Variants in XKR4 observed in about 807,000 individuals in gnomAD.
XKR4 encodes the protein XK related 4, also known as XK-related protein 4.
XKR4 carries 12 observed loss-of-function variants against 53.9 expected under a neutral mutation model. That is an observed-to-expected ratio of 0.22 (90% CI 0.14 to 0.36). The LOEUF is 0.36. Ranked by LOEUF, XKR4 falls within the 10% of genes least tolerant of loss-of-function variation. The pLI, the probability that XKR4 is intolerant of heterozygous loss-of-function variation, is 1.00. For missense variants in XKR4, 799 were observed against 859.5 expected (o/e 0.93, Z 0.88); for synonymous variants, 354 against 362.4 (o/e 0.98, Z 0.26).
chr8:55,286,750 C>A (rs550505963), intron 1 of XKR4, among the ~76,000 whole-genome samples: 1 of 152,282 alleles, frequency 6.6e-6, no homozygotes, highest in East Asian at 1.9e-4. Context: ...CTTTTAAGTT[C>A]ATTCCTTTAG....
At chr8:55,475,575 C>T (rs974790161) in intron 2 of XKR4, among the ~76,000 whole-genome samples, 2 of 140,710 alleles carry the variant, frequency 1.4e-5, no homozygotes, top group Non-Finnish European at 3.0e-5. Context: ...CACCACCATG[C>T]TCACTTATTT....
chr8:55,220,917 A>T (rs1817872478), intron 1 of XKR4, among the ~76,000 whole-genome samples: 1 of 152,244 alleles, frequency 6.6e-6, no homozygotes. Flanking sequence ...ACTTGCATAT[A>T]GCAGGCTCCA....
At chr8:55,460,383 T>C (rs1053548284) in intron 2 of XKR4, among the ~76,000 whole-genome samples, 1 of 152,228 alleles carries the variant, frequency 6.6e-6, no homozygotes, top group Non-Finnish European at 1.5e-5. Flanking sequence ...CTCAAAATCA[T>C]TGAACCATAT....
At chr8:55,487,467 C>T (rs1435593686) in intron 2 of XKR4, among the ~76,000 whole-genome samples, 15 of 143,474 alleles carry the variant, frequency 1.0e-4, no homozygotes, top group African/African-American at 3.1e-4. Flanking sequence ...GACATGCTTT[C>T]TTTTTTTTTT....
chr8:55,259,409 G>A (rs1818485290), intron 1 of XKR4, among the ~76,000 whole-genome samples: 3 of 152,172 alleles, frequency 2.0e-5, no homozygotes, highest in South Asian at 2.1e-4. Context: ...AGTTGATTTC[G>A]TTCTCCTACC....
intron 1 of XKR4, among the ~76,000 whole-genome samples, chr8:55,129,162 G>C (rs1816519235): frequency 6.6e-6 from 1 of 152,224 alleles, no homozygotes; most frequent in Admixed American, 6.5e-5. Flanking sequence ...TGAAAATGGA[G>C]AGAGAACCCA....
chr8:55,284,883 A>G (rs1243836955), intron 1 of XKR4, among the ~76,000 whole-genome samples: 1 of 152,154 alleles, frequency 6.6e-6, no homozygotes, highest in Non-Finnish European at 1.5e-5. Flanking sequence ...CATCTGATCC[A>G]TGAGGGAGGC....
At chr8:55,160,566 AAC>A (rs1415145596) in intron 1 of XKR4, among the ~76,000 whole-genome samples, 2 of 152,220 alleles carry the variant, frequency 1.3e-5, no homozygotes, top group Admixed American at 6.5e-5. Context: ...AATTTCACGA[AAC>A]ACAGTTCCTG....
chr8:55,249,946 C>T (rs1324856583), intron 1 of XKR4, among the ~76,000 whole-genome samples: 1 of 152,166 alleles, frequency 6.6e-6, no homozygotes, highest in Admixed American at 6.5e-5. Flanking sequence ...AACCAGGAAA[C>T]TACTTACTTA....
intron 1 of XKR4, among the ~76,000 whole-genome samples, chr8:55,194,659 C>T (rs1257687228): frequency 1.3e-5 from 2 of 152,168 alleles, no homozygotes; most frequent in Non-Finnish European, 2.9e-5. Flanking sequence ...CTCCACAGTG[C>T]TCCCTTCCTG....
intron 2 of XKR4, among the ~76,000 whole-genome samples, chr8:55,380,796 T>G (rs765785671): frequency 6.6e-6 from 1 of 152,264 alleles, no homozygotes; most frequent in Non-Finnish European, 1.5e-5. Context: ...CTCTAGTAAC[T>G]GCTCTGTGCT....
chr8:55,450,014 C>T (rs1805409181), intron 2 of XKR4: 6 of 785,972 alleles, frequency 7.6e-6, no homozygotes, highest in Middle Eastern at 2.5e-4. Flanking sequence ...TGGTGAGGTG[C>T]GGTGGACACT....
At chr8:55,303,640 G>T (rs922897352) in intron 1 of XKR4, among the ~76,000 whole-genome samples, 2 of 152,080 alleles carry the variant, frequency 1.3e-5, no homozygotes, top group African/African-American at 4.8e-5. Flanking sequence ...ACTTTTTTTG[G>T]TTGGTAAGCT....
In XKR4 at chr8:55,541,398, GT is replaced by G. The variant is rs1490483852; in HGVS notation, c.*17175del. ...GCTCCTTTCCCTGTTCAATTTTTTT[GT>G]TTTGTTTTAAATCTATCTCTGAAAA... On this transcript the variant is annotated 3_prime_UTR_variant, in exon 3 of 3. Coordinates refer to ENST00000327381, the MANE Select transcript of XKR4 (RefSeq NM_052898.2). The G allele has an allele frequency of 6.6e-6, 1 of 151,292 alleles. No individual in the cohort carries two copies. The highest frequency in any genetic ancestry group is 6.6e-5 in the Admixed American group (1 of 15,192). 9.4% of individuals were successfully genotyped at this position (151,292 alleles called of 1,614,324 possible). A position where few individuals can be genotyped will look rare whatever the true frequency, so the allele number is the denominator to read the frequency against.
At chr8:55,221,782 G>T (rs1339104374) in intron 1 of XKR4, among the ~76,000 whole-genome samples, 2 of 152,126 alleles carry the variant, frequency 1.3e-5, no homozygotes, top group African/African-American at 4.8e-5. Context: ...TCTCCAGAGG[G>T]TCTCACCGGA....
chr8:55,321,745 C>T (rs186894288), intron 1 of XKR4, among the ~76,000 whole-genome samples: 34 of 152,326 alleles, frequency 2.2e-4, no homozygotes, highest in African/African-American at 7.7e-4. Flanking sequence ...AATCCCAGCA[C>T]TTCGGGAGGC....
At chr8:55,453,426 G>C (rs1805490290) in intron 2 of XKR4, 6 of 400,284 alleles carry the variant, frequency 1.5e-5, no homozygotes, top group Non-Finnish European at 3.0e-5. Flanking sequence ...AGCACAGCTA[G>C]GAGCAGCTTC....
chr8:55,285,526 G>A (rs1818896511), intron 1 of XKR4, among the ~76,000 whole-genome samples: 1 of 151,952 alleles, frequency 6.6e-6, no homozygotes, highest in Non-Finnish European at 1.5e-5. Context: ...AAAGGAGGAG[G>A]GAAAGCACAG....
At chr8:55,169,599 A>C (rs537891341) in intron 1 of XKR4, among the ~76,000 whole-genome samples, 2 of 152,356 alleles carry the variant, frequency 1.3e-5, no homozygotes, top group East Asian at 3.9e-4. Flanking sequence ...TCATGACAGC[A>C]TGGACACCTG....
Sources: gnomAD v4.1 joint callset for allele counts (sites outside exome capture counted in the v4.1 genomes callset) on GRCh38, gnomAD v4.1.1 for gene constraint, MANE v1.5 for transcripts, NCBI Gene and HGNC (gene_info 2026-07-23, HGNC 2026-07-21) for gene names.